The following NF1 variants were observed in gnomAD, a reference collection of about 807,000 sequenced individuals.
NF1 encodes neurofibromin 1.
Under a neutral mutation model 325.7 loss-of-function variants are expected in NF1, and 122 were observed. The ratio of observed to expected loss-of-function variants is 0.37; its 90% CI spans 0.32 to 0.44. The LOEUF is 0.44. NF1 is among the 20% of genes least tolerant of loss of function. The probability of loss-of-function intolerance (pLI) is 1.00; values close to 1 mark genes in which losing one functional copy is unlikely to be tolerated. For synonymous variants in NF1, 1,091 were observed against 1,186.0 expected (o/e 0.92, Z 1.65); for missense variants, 2,140 against 3,415.4 (o/e 0.63, Z 9.31).
At chr17:31,263,725 T>C (rs1413772502) in intron 35 of NF1, among the ~76,000 whole-genome samples, 1 of 151,792 alleles carries the variant, frequency 6.6e-6, no homozygotes, top group Non-Finnish European at 1.5e-5. Context: ...GATCTTATTT[T>C]TGTTCTAAAT....
chr17:31,229,953 C>T lies in NF1; in HGVS notation c.2969C>T (p.Thr990Ile), dbSNP rs2151430789. Reference protein sequence around the residue: ...SEHLGQASIETMMLNLVRYVR... With the variant: ...SEHLGQASIEIMMLNLVRYVR... ...CATCTAGGGCAAGCTAGCATTGAAA[C>T]AATGATGTTAAATCTGGTCAGGTAA... The change falls in exon 22 of 58, where the codon ACA becomes ATA. Residue 990 changes from threonine to isoleucine, a missense_variant. Thr to Ile is a moderately conservative substitution (Grantham distance 89). This residue lies in a region of NF1 where 380 missense variants were observed against 639.3 expected (regional missense o/e 0.59). Coordinates refer to ENST00000358273, the MANE Select transcript of NF1 (RefSeq NM_001042492.3). 1 of 1,611,696 alleles carries T rather than the reference C, an allele frequency of 6.2e-7. No homozygotes were observed. The highest frequency in any genetic ancestry group is 8.5e-7 in the Non-Finnish European group (1 of 1,179,686).
In NF1 at chr17:31,335,282, A is replaced by ACGAT. The variant is rs1250014671; in HGVS notation, c.6006+251_6006+252insCGAT. Among the ~76,000 whole-genome samples, 3 of 40,304 alleles carry ACGAT rather than the reference A, an allele frequency of 7.4e-5. 1 individual carries two copies. The highest frequency in any genetic ancestry group is 3.3e-4 in the Non-Finnish European group (3 of 9,048). 26.4% of individuals were successfully genotyped at this position (40,304 alleles called of 152,430 possible). On this transcript the variant is annotated intron_variant, in intron 40 of 57. Transcript: ENST00000358273. ...TCTCCTTCAAGGCATAATTATATAT[A>ACGAT]TATATATATATATAATTATGCCTTG... is the stretch of plus-strand genomic sequence containing the variant.
chr17:31,247,796 A>G (rs970327447), intron 29 of NF1, among the ~76,000 whole-genome samples: 1 of 152,258 alleles, frequency 6.6e-6, no homozygotes, highest in African/African-American at 2.4e-5. Flanking sequence ...ATAGACTATT[A>G]TGCAGTAAAG....
In NF1 at chr17:31,120,185, T is replaced by G. The variant is rs546656002; in HGVS notation, c.60+24816T>G. Among the ~76,000 whole-genome samples, 8 of 152,368 alleles carry G rather than the reference T, an allele frequency of 5.3e-5. No homozygotes were observed. The South Asian group carries it at 1.7e-3, about 32-fold the overall frequency. On this transcript the variant is annotated intron_variant, in intron 1 of 57. Transcript: ENST00000358273. ...CTTGATGGGGATAGTATTGAATCTA[T>G]AAATTACTTTGTGTAGTACAGCCAT... is the stretch of plus-strand genomic sequence containing the variant.
intron 1 of NF1, among the ~76,000 whole-genome samples, chr17:31,146,439 C>A (rs1916594767): frequency 6.6e-6 from 1 of 151,922 alleles, no homozygotes; most frequent in South Asian, 2.1e-4. Flanking sequence ...ATCCATCCAT[C>A]CATCCATCCA....
intron 4 of NF1, among the ~76,000 whole-genome samples, chr17:31,168,239 G>A (rs1275485472): frequency 1.3e-5 from 2 of 152,096 alleles, no homozygotes; most frequent in African/African-American, 2.4e-5. Flanking sequence ...GCATGCTATG[G>A]TTTCTCTTCT....
intron 36 of NF1, among the ~76,000 whole-genome samples, chr17:31,279,789 T>A (rs1189593900): frequency 6.6e-6 from 1 of 152,232 alleles, no homozygotes; most frequent in African/African-American, 2.4e-5. Context: ...TCTCCATAGT[T>A]GTAAAACATA....
chr17:31,097,584 G>A (rs1911861636), intron 1 of NF1, among the ~76,000 whole-genome samples: 2 of 151,234 alleles, frequency 1.3e-5, no homozygotes, highest in Non-Finnish European at 2.9e-5. Context: ...TATGCATATT[G>A]TGGAATCAAA....
intron 1 of NF1, among the ~76,000 whole-genome samples, chr17:31,150,014 A>C (rs1412774845): frequency 6.6e-6 from 1 of 152,182 alleles, no homozygotes; most frequent in Non-Finnish European, 1.5e-5. Flanking sequence ...CTCTCATTGT[A>C]TGTTACTGTG....
Position 31,335,032 on chromosome 17 carries a change from GTATTGAGTTTGCTCAAATATT to G in NF1, c.6006+5_6006+25del, listed in dbSNP as rs1555534435. On this transcript the variant is annotated splice_donor_variant and splice_donor_5th_base_variant and intron_variant, in intron 40 of 57. Coordinates refer to ENST00000358273, the MANE Select transcript of NF1 (RefSeq NM_001042492.3). LOFTEE classifies it high-confidence loss of function. ...AAAAATATGGGGAAGCCTTGGGCAG[GTATTGAGTTTGCTCAAATATT>G]TATCTAGTATCTCCTTTGTGCACAT... is the stretch of plus-strand genomic sequence containing the variant. 1.2e-6 allele frequency: 2 copies of G among 1,611,114 alleles called. No homozygotes were observed. The highest frequency in any genetic ancestry group is 1.7e-6 in the Non-Finnish European group (2 of 1,179,032).
intron 36 of NF1, among the ~76,000 whole-genome samples, chr17:31,269,070 T>C (rs1455721652): frequency 4.6e-5 from 7 of 152,082 alleles, no homozygotes; most frequent in South Asian, 2.1e-4. Flanking sequence ...GGCAATGTCT[T>C]TCGAAACCAT....
chr17:31,248,900 C>A, intron 29 of NF1, 84 bp from the exon 30 acceptor site: 1 of 1,361,140 alleles, frequency 7.3e-7, no homozygotes, highest in Non-Finnish European at 1.0e-6. Context: ...GGCTTAATGT[C>A]TGTATAAGAG....
At chr17:31,196,367 A>G (rs2066434021) in intron 8 of NF1, among the ~76,000 whole-genome samples, 1 of 152,024 alleles carries the variant, frequency 6.6e-6, no homozygotes, top group South Asian at 2.1e-4. Context: ...ACTGTAAAGT[A>G]TTTGTAAGGC....
At chr17:31,147,219 C>G (rs532192048) in intron 1 of NF1, among the ~76,000 whole-genome samples, 1 of 152,174 alleles carries the variant, frequency 6.6e-6, no homozygotes, top group Non-Finnish European at 1.5e-5. Context: ...TAGGAGTCCT[C>G]CTCGTGTTTC....
chr17:31,259,330 G>A (rs1269566576), intron 33 of NF1, among the ~76,000 whole-genome samples: 1 of 152,060 alleles, frequency 6.6e-6, no homozygotes, highest in Non-Finnish European at 1.5e-5. Flanking sequence ...TAATTTGGTA[G>A]TGATTTTCAT....
chr17:31,249,239 G>A, intron 30 of NF1, 120 bp downstream of exon 30: 1 of 1,141,442 alleles, frequency 8.8e-7, no homozygotes, highest in Non-Finnish European at 1.3e-6. Flanking sequence ...AGTCAGTTTG[G>A]ATGAATAATA....
intron 36 of NF1, among the ~76,000 whole-genome samples, chr17:31,276,079 T>G (rs2068002104): frequency 6.6e-6 from 1 of 151,810 alleles, no homozygotes; most frequent in Admixed American, 6.6e-5. Flanking sequence ...CTTGGTGGTA[T>G]GCGCCTGTAG....
intron 40 of NF1, among the ~76,000 whole-genome samples, chr17:31,335,859 T>G (rs1305631302): frequency 6.7e-6 from 1 of 148,884 alleles, no homozygotes. Flanking sequence ...TTGTATTTTT[T>G]TTTTTTTTTT....
At chr17:31,142,592 G>T (rs1916297995) in intron 1 of NF1, among the ~76,000 whole-genome samples, 1 of 152,130 alleles carries the variant, frequency 6.6e-6, no homozygotes, top group South Asian at 2.1e-4. Flanking sequence ...ATGAGGCCGG[G>T]CACTGTGGCT....
Sources: gnomAD v4.1 joint callset for allele counts (sites outside exome capture counted in the v4.1 genomes callset) on GRCh38, gnomAD v4.1.1 for gene constraint, gnomAD v4.1.1 regional missense constraint, MANE v1.5 for transcripts, NCBI Gene and HGNC (gene_info 2026-07-23, HGNC 2026-07-21) for gene names.